The following ARID3A variants were observed in gnomAD, a reference collection of about 807,000 sequenced individuals.
ARID3A encodes AT-rich interaction domain 3A.
A neutral mutation model predicts 52.7 loss-of-function variants in ARID3A; 11 were observed. The ratio of observed to expected loss-of-function variants is 0.21; its 90% CI spans 0.13 to 0.35. The LOEUF is 0.35. Ranked by LOEUF, ARID3A falls within the 10% of genes least tolerant of loss-of-function variation. ARID3A has a pLI of 1.00. For synonymous variants in ARID3A, 404 were observed against 359.4 expected, an observed-to-expected ratio of 1.12 and a Z score of -1.40; for missense variants, 721 against 838.5, an observed-to-expected ratio of 0.86 and a Z score of 1.73.
At chr19:926,168 C>A (rs963280808) in intron 1 of ARID3A, 109 bp downstream of exon 1, 5 of 149,574 alleles carry the variant, frequency 3.3e-5, no homozygotes, top group African/African-American at 1.2e-4. Flanking sequence ...AGGCGCGGGG[C>A]GCGCGCCCCA....
chr19:939,764 C>T (rs976441164), intron 3 of ARID3A, among the ~76,000 whole-genome samples: 1 of 152,178 alleles, frequency 6.6e-6, no homozygotes, highest in Admixed American at 6.5e-5. Flanking sequence ...CCACACACTT[C>T]CCTCGGTCAT....
intron 3 of ARID3A, among the ~76,000 whole-genome samples, chr19:951,102 G>A (rs938410691): frequency 1.3e-5 from 2 of 151,992 alleles, no homozygotes; most frequent in Non-Finnish European, 1.5e-5. Flanking sequence ...GATTACAGGC[G>A]TGAGCCACTA....
intron 8 of ARID3A, among the ~76,000 whole-genome samples, chr19:969,968 C>G (rs1234059744): frequency 1.3e-5 from 2 of 152,016 alleles, no homozygotes; most frequent in East Asian, 3.9e-4. Context: ...GCTGGGATTA[C>G]AGGCATGAAC....
rs569772600 is a variant in ARID3A, at chr19:959,012, C to T, written c.694-1080C>T. On this transcript the variant is annotated intron_variant, in intron 3 of 8. Coordinates refer to ENST00000263620, the MANE Select transcript of ARID3A (RefSeq NM_005224.3). This position sits in a 1 kb window ranked among gnomAD's most constrained non-coding sequence, Gnocchi z 5.0. ...CCCAGGACAGCCACAGATTTGTAGC[C>T]CAGGAGCGCTGGCTGGGCTGTGCCT... is the stretch of plus-strand genomic sequence containing the variant. Among the ~76,000 whole-genome samples, 19 of 152,326 alleles carry T rather than the reference C, an allele frequency of 1.2e-4. No individual in the cohort carries two copies. The highest frequency in any genetic ancestry group is 8.3e-4 in the South Asian group (4 of 4,828).
In ARID3A at chr19:942,928, G is replaced by A. The variant is rs928063076; in HGVS notation, c.693+10186G>A. On this transcript the variant is annotated intron_variant, in intron 3 of 8. Transcript: ENST00000263620. The surrounding 1 kb of genome is among the most constrained non-coding windows in gnomAD (Gnocchi z 8.1). ...ATTTGGAAATAGGGTCTCTGAAGAT[G>A]TTAGTTTCAGTGAGGTCCTGCAGCG... is the stretch of plus-strand genomic sequence containing the variant. 1.3e-5 allele frequency among the ~76,000 whole-genome samples: 2 copies of A among 152,190 alleles called. No homozygotes were observed. The highest frequency in any genetic ancestry group is 4.8e-5 in the African/African-American group (2 of 41,446).
rs2038025505 is a variant in ARID3A at position 960,832 on chromosome 19, C to T, written c.766+668C>T. ...ATACCAGGCTCTGTGCCCCCAAAGT[C>T]TCCTGGCCTAGAGAGGGCAGGTCTG... On this transcript the variant is annotated intron_variant, in intron 4 of 8. Transcript: ENST00000263620. This position sits in a 1 kb window ranked among gnomAD's most constrained non-coding sequence, Gnocchi z 4.3. Among the ~76,000 whole-genome samples the T allele has an allele frequency of 6.6e-6, 1 of 152,184 alleles. No individual in the cohort carries two copies. The highest frequency in any genetic ancestry group is 2.4e-5 in the African/African-American group (1 of 41,428).
At chr19:943,652 G>A (rs2145393632) in intron 3 of ARID3A, among the ~76,000 whole-genome samples, 1 of 152,310 alleles carries the variant, frequency 6.6e-6, no homozygotes, top group East Asian at 1.9e-4. Context: ...AGAGGCTGGA[G>A]CGATGTGGCC....
chr19:939,547 C>A (rs1486701148), intron 3 of ARID3A, among the ~76,000 whole-genome samples: 3 of 152,184 alleles, frequency 2.0e-5, no homozygotes, highest in East Asian at 3.9e-4. Flanking sequence ...GTTCTCCAGG[C>A]CTTTCTCTGC....
rs534931697 is a variant in ARID3A, at chr19:966,837, G to C, written c.1464G>C (p.Gln488His). 51 of 1,612,668 alleles carry C rather than the reference G, an allele frequency of 3.2e-5. No homozygotes were observed. The highest frequency in any genetic ancestry group is 4.2e-5 in the Non-Finnish European group (49 of 1,179,402). Residue 488 changes from glutamine (Q) to histidine (H), a missense_variant, in exon 7 of 9, where the codon CAG becomes CAC. Coordinates refer to ENST00000263620, the MANE Select transcript of ARID3A (RefSeq NM_005224.3). ...AGAACTTCCTGGCCATGGCGGCCCA[G>C]CTGCCCATGAGCATTCGGATCAACA... Reference protein sequence around the residue: ...LQQNFLAMAAQLPMSIRINSQ... With the variant: ...LQQNFLAMAAHLPMSIRINSQ...
At chr19:968,565 A>G in intron 8 of ARID3A, 62 bp downstream of exon 8, 1 of 1,502,490 alleles carries the variant, frequency 6.7e-7, no homozygotes, top group East Asian at 2.3e-5. Context: ...TGAACTCAGG[A>G]CCCTGAGTTG....
Position 932,523 on chromosome 19 carries a change from G to A in ARID3A, c.474G>A (p.Gly158=). The change falls in exon 3 of 9, where the codon GGG becomes GGA. Residue 158 remains glycine (G), a synonymous_variant. Transcript: ENST00000263620. ...EDEEEEEDEE[G]LGPPGPASLG... is the part of the protein sequence containing the mutation. ...AGGAGGAGGAGGAGGACGAGGAGGGGCTGGGCCCCCCAGGCCCTGCCAGCT... is the reference window on the plus strand; with the variant it reads ...AGGAGGAGGAGGAGGACGAGGAGGGACTGGGCCCCCCAGGCCCTGCCAGCT... 6.5e-7 allele frequency: 1 copy of A among 1,532,584 alleles called. No homozygotes were observed. The highest frequency in any genetic ancestry group is 8.7e-7 in the Non-Finnish European group (1 of 1,143,888). 94.9% of individuals were successfully genotyped at this position (1,532,584 alleles called of 1,614,324 possible). A position where few individuals can be genotyped will look rare whatever the true frequency, so the allele number is the denominator to read the frequency against.
chr19:945,434 G>A (rs2037658175), intron 3 of ARID3A, among the ~76,000 whole-genome samples: 1 of 151,898 alleles, frequency 6.6e-6, no homozygotes, highest in South Asian at 2.1e-4. Context: ...GCGGGGAGGT[G>A]TCCAGGGCGG....
intron 3 of ARID3A, among the ~76,000 whole-genome samples, chr19:939,634 C>T (rs1291695438): frequency 2.0e-5 from 3 of 152,072 alleles, no homozygotes; most frequent in Non-Finnish European, 4.4e-5. Context: ...TTCCTCCCGC[C>T]GCTGCCTTCG....
In ARID3A at chr19:968,442, GGGCACCAAC is replaced by G. The variant is rs773386590; in HGVS notation, c.1538_1546del (p.Thr513_Gly515del). On this transcript the variant is annotated inframe_deletion, in exon 8 of 9. Transcript: ENST00000263620. ...GCCAGGACTCTGCTGTGAACCTGAC[GGGCACCAAC>G]GGCAGCAACAGCATCAGCATGTCGG... The G allele has an allele frequency of 6.2e-7, 1 of 1,614,016 alleles. No individual in the cohort carries two copies. The highest frequency in any genetic ancestry group is 1.7e-5 in the Admixed American group (1 of 60,014).
Position 960,006 on chromosome 19 carries a change from C to T in ARID3A, c.694-86C>T. On this transcript the variant is annotated intron_variant, in intron 3 of 8. Transcript: ENST00000263620. The surrounding 1 kb of genome is among the most constrained non-coding windows in gnomAD (Gnocchi z 4.3). ...GGTGGTGACCCCTGCTCCTGTCCTC[C>T]TGACCTGGCCTCCAGTGCAGGAGGG... 7.9e-7 allele frequency: 1 copy of T among 1,258,292 alleles called. No individual in the cohort carries two copies. Among genetic ancestry groups the T allele is most frequent in the Non-Finnish European group, 1.1e-6 (1 of 888,598 alleles). 77.9% of individuals were successfully genotyped at this position (1,258,292 alleles called of 1,614,324 possible). A position where few individuals can be genotyped will look rare whatever the true frequency, so the allele number is the denominator to read the frequency against.
intron 8 of ARID3A, 56 bp downstream of exon 8, chr19:968,559 C>T: frequency 4.5e-6 from 7 of 1,548,948 alleles, no homozygotes; most frequent in Non-Finnish European, 5.3e-6. Context: ...CCGCCGTGAA[C>T]TCAGGACCCT....
chr19:938,830 C>G lies in ARID3A; in HGVS notation c.693+6088C>G, dbSNP rs1489332662. 6.6e-6 allele frequency among the ~76,000 whole-genome samples: 1 copy of G among 152,142 alleles called. No homozygotes were observed. The highest frequency in any genetic ancestry group is 2.4e-5 in the African/African-American group (1 of 41,420). On this transcript the variant is annotated intron_variant, in intron 3 of 8. Transcript: ENST00000263620. This position sits in a 1 kb window ranked among gnomAD's most constrained non-coding sequence, Gnocchi z 4.0. The stretch of plus-strand genomic sequence containing the variant: ...TCTCGGGAGTGAAGCGAGACCCCAG[C>G]AAGAAACGGGCATCCGGTTTTTGGT...
At position 938,071 on chromosome 19, in the gene ARID3A, C is replaced by T. The variant is rs988294619; in HGVS notation, c.693+5329C>T. Among the ~76,000 whole-genome samples the T allele has an allele frequency of 8.6e-5, 13 of 151,942 alleles. No individual in the cohort carries two copies. The highest frequency in any genetic ancestry group is 3.1e-4 in the African/African-American group (13 of 41,352). ...GTTGGGCAGGGTGGTCTTGAACTCCCAACCTCAGGTGATCCTCACACCTCA... is the reference window on the plus strand; with the variant it reads ...GTTGGGCAGGGTGGTCTTGAACTCCTAACCTCAGGTGATCCTCACACCTCA... On this transcript the variant is annotated intron_variant, in intron 3 of 8. Coordinates refer to ENST00000263620, the MANE Select transcript of ARID3A (RefSeq NM_005224.3). This position sits in a 1 kb window ranked among gnomAD's most constrained non-coding sequence, Gnocchi z 4.0.
chr19:929,730 G>A lies in ARID3A; in HGVS notation c.202G>A (p.Ala68Thr), dbSNP rs760109900. Reference sequence around the variant, plus strand: ...GGCCGCACTGGCAGCCATGCGGGCTGCAGCTGCGGGCCTGGGACACCCAGC... The same window carrying A: ...GGCCGCACTGGCAGCCATGCGGGCTACAGCTGCGGGCCTGGGACACCCAGC... ...QMAALAAMRA[A>T]AAGLGHPASP... The change falls in exon 2 of 9, where the codon GCA (alanine) becomes ACA (threonine). Residue 68 changes from alanine (A) to threonine (T), a missense_variant. Ala to Thr is a moderately conservative substitution (Grantham distance 58). This residue lies in a region of ARID3A where 349 missense variants were observed against 297.3 expected (regional missense o/e 1.17). Transcript: ENST00000263620. This position sits in a 1 kb window ranked among gnomAD's most constrained non-coding sequence, Gnocchi z 6.2. The A allele has an allele frequency of 1.9e-6, 3 of 1,559,266 alleles. No individual in the cohort carries two copies. In the East Asian group the frequency reaches 7.0e-5, roughly 36 times the overall value.
Sources: allele counts gnomAD v4.1 joint callset (sites outside exome capture counted in the v4.1 genomes callset), GRCh38; gene constraint gnomAD v4.1.1; regional missense constraint gnomAD v4.1.1; non-coding constraint Gnocchi (gnomAD v3.1); transcripts MANE v1.5; gene names NCBI Gene and HGNC (gene_info 2026-07-23, HGNC 2026-07-21).